The following SRRM3 variants were observed in gnomAD, a reference collection of about 807,000 sequenced individuals.
The protein encoded by SRRM3 is serine/arginine repetitive matrix 3.
SRRM3 carries 27 observed loss-of-function variants against 66.2 expected under a neutral mutation model. The ratio of observed to expected loss-of-function variants is 0.41; its 90% CI spans 0.30 to 0.56. SRRM3 has a LOEUF of 0.56. Among genes scored for constraint, SRRM3 ranks in the 20% least tolerant of loss-of-function variants. SRRM3 has a pLI of 0.32. For synonymous variants in SRRM3, 391 were observed against 414.9 expected (o/e 0.94, Z 0.70); for missense variants, 918 against 991.9 (o/e 0.93, Z 1.00).
At chr7:76,282,386 C>T (rs1292299697) in intron 12 of SRRM3, among the ~76,000 whole-genome samples, 2 of 147,720 alleles carry the variant, frequency 1.4e-5, no homozygotes, top group Non-Finnish European at 1.5e-5. Context: ...CATGAGGCTC[C>T]CCGCTTACTG....
chr7:76,204,822 T>C (rs1360338081), intron 1 of SRRM3, among the ~76,000 whole-genome samples: 4 of 152,140 alleles, frequency 2.6e-5, no homozygotes, highest in African/African-American at 9.7e-5. Context: ...CTTGTAATCC[T>C]AACACTTTGG....
At chr7:76,219,233 T>C (rs1800653156) in intron 1 of SRRM3, among the ~76,000 whole-genome samples, 1 of 152,238 alleles carries the variant, frequency 6.6e-6, no homozygotes. Flanking sequence ...CACTGTCCTC[T>C]GTTGATCAGT....
chr7:76,264,231 G>A lies in SRRM3; in HGVS notation c.675-534G>A, dbSNP rs556385598. On this transcript the variant is annotated intron_variant, in intron 8 of 14. Coordinates refer to ENST00000611745, the MANE Select transcript of SRRM3 (RefSeq NM_001110199.3). ...TGCCCAGGCTGGAGTGCAAAGGCGCGATCTCAGCTTACGCAACCTCCGCCT... is the reference window on the plus strand; with the variant it reads ...TGCCCAGGCTGGAGTGCAAAGGCGCAATCTCAGCTTACGCAACCTCCGCCT... 1.3e-4 allele frequency among the ~76,000 whole-genome samples: 20 copies of A among 148,384 alleles called. No homozygotes were observed. The East Asian group carries it at 3.5e-3, about 26-fold the overall frequency.
At chr7:76,225,259 G>A (rs527801404) in intron 1 of SRRM3, among the ~76,000 whole-genome samples, 1 of 152,234 alleles carries the variant, frequency 6.6e-6, no homozygotes, top group South Asian at 2.1e-4. Context: ...CCTGGCCCCA[G>A]TAGAAGACAG....
intron 1 of SRRM3, among the ~76,000 whole-genome samples, chr7:76,210,345 C>T (rs1800400811): frequency 6.6e-6 from 1 of 152,216 alleles, no homozygotes; most frequent in Admixed American, 6.5e-5. Context: ...GGGGGAAGTC[C>T]TGTCTTCCCT....
chr7:76,245,788 C>T (rs1418447143), intron 2 of SRRM3, among the ~76,000 whole-genome samples: 2 of 152,126 alleles, frequency 1.3e-5, no homozygotes, highest in Non-Finnish European at 2.9e-5. Context: ...CTCCACCTCC[C>T]GGGTTCAAGC....
At chr7:76,281,844 C>CCCCCCCGGG in intron 12 of SRRM3, 42 bp downstream of exon 12, 8 of 1,206,380 alleles carry the variant, frequency 6.6e-6, no homozygotes, top group East Asian at 8.6e-5. Flanking sequence ...GCCCCCACCC[C>CCCCCCCGGG]GCACAGGGCT....
At chr7:76,235,349 G>C (rs1801118431) in intron 2 of SRRM3, 50 bp downstream of exon 2, 1 of 1,414,692 alleles carries the variant, frequency 7.1e-7, no homozygotes. Flanking sequence ...GCGGGGCGAG[G>C]GTGGGAGAAG....
At chr7:76,281,993 C>T (rs1321626919) in intron 12 of SRRM3, among the ~76,000 whole-genome samples, 191 bp downstream of exon 12, 2 of 121,746 alleles carry the variant, frequency 1.6e-5, no homozygotes, top group Non-Finnish European at 3.5e-5. Flanking sequence ...CCCAACCCCT[C>T]CTCACTGAAC....
intron 11 of SRRM3, among the ~76,000 whole-genome samples, chr7:76,278,560 G>A (rs557625192): frequency 6.6e-6 from 1 of 152,292 alleles, no homozygotes; most frequent in Admixed American, 6.5e-5. Flanking sequence ...GGTGAGGGGT[G>A]AGCTTGTGAT....
chr7:76,240,063 G>A (rs1269175197), intron 2 of SRRM3, among the ~76,000 whole-genome samples: 5 of 152,306 alleles, frequency 3.3e-5, no homozygotes, highest in African/African-American at 1.2e-4. Flanking sequence ...CTACTCAGGA[G>A]GCTGAGGCAG....
chr7:76,261,327 A>T, intron 6 of SRRM3, 25 bp from the exon 7 acceptor site: 1 of 580,142 alleles, frequency 1.7e-6, no homozygotes, highest in Non-Finnish European at 2.6e-6. Flanking sequence ...CCAGCTCACT[A>T]GAGCCCACCT....
At chr7:76,220,314 G>T (rs1554603038) in intron 1 of SRRM3, among the ~76,000 whole-genome samples, 1 of 152,180 alleles carries the variant, frequency 6.6e-6, no homozygotes, top group Non-Finnish European at 1.5e-5. Flanking sequence ...AGGCAGTCAG[G>T]GAAGGCTTCA....
At chr7:76,229,893 A>G (rs1800971595) in intron 1 of SRRM3, among the ~76,000 whole-genome samples, 1 of 151,912 alleles carries the variant, frequency 6.6e-6, no homozygotes, top group Admixed American at 6.6e-5. Context: ...GCAGGCATGC[A>G]CCACCATGAC....
chr7:76,272,747 A>G (rs1054956830), intron 11 of SRRM3, among the ~76,000 whole-genome samples: 1 of 152,338 alleles, frequency 6.6e-6, no homozygotes, highest in African/African-American at 2.4e-5. Context: ...GCTCAGGATC[A>G]TGGCCTTGGG....
chr7:76,204,358 C>T (rs1403502027), intron 1 of SRRM3, among the ~76,000 whole-genome samples: 1 of 152,216 alleles, frequency 6.6e-6, no homozygotes, highest in African/African-American at 2.4e-5. Flanking sequence ...AGCCTCTGCC[C>T]ATGGTCCTGT....
intron 11 of SRRM3, chr7:76,268,481 A>T (rs1802129912): frequency 1.3e-5 from 2 of 152,128 alleles, no homozygotes; most frequent in African/African-American, 4.8e-5. Flanking sequence ...CTCAGCTGGG[A>T]GTGGGAGAGC....
chr7:76,254,188 G>A (rs1563627752), intron 3 of SRRM3, among the ~76,000 whole-genome samples: 2 of 143,702 alleles, frequency 1.4e-5, no homozygotes, highest in African/African-American at 5.1e-5. Flanking sequence ...TGTTTTTTGG[G>A]TTTTTTTTTT....
chr7:76,262,746 G>A (rs1801914070), intron 8 of SRRM3, among the ~76,000 whole-genome samples: 1 of 151,932 alleles, frequency 6.6e-6, no homozygotes, highest in Non-Finnish European at 1.5e-5. Context: ...ATACTGGGAG[G>A]AGGAAATTAC....
Sources: gnomAD v4.1 joint callset for allele counts (sites outside exome capture counted in the v4.1 genomes callset) on GRCh38, gnomAD v4.1.1 for gene constraint, MANE v1.5 for transcripts, NCBI Gene and HGNC (gene_info 2026-07-23, HGNC 2026-07-21) for gene names.